The following TRPM3 variants were observed in gnomAD, a reference collection of about 807,000 sequenced individuals.
TRPM3 encodes the protein transient receptor potential cation channel subfamily M member 3.
A neutral mutation model predicts 181.2 loss-of-function variants in TRPM3; 77 were observed. That is an observed-to-expected ratio of 0.42 (90% CI 0.35 to 0.51). The LOEUF (loss-of-function observed/expected upper bound fraction) is 0.51. TRPM3 is among the 20% of genes least tolerant of loss of function. The pLI, the probability that TRPM3 is intolerant of heterozygous loss-of-function variation, is 0.01. For synonymous variants in TRPM3, 745 were observed against 796.4 expected (o/e 0.94, Z 1.09); for missense variants, 1,759 against 2,196.7 (o/e 0.80, Z 3.98).
chr9:71,025,982 A>T (rs539457027), intron 1 of TRPM3, among the ~76,000 whole-genome samples: 1 of 152,322 alleles, frequency 6.6e-6, no homozygotes, highest in African/African-American at 2.4e-5. Flanking sequence ...GGCAAGGAGC[A>T]ACCTGCTCTT....
At chr9:70,772,329 T>C (rs866425113) in intron 7 of TRPM3, among the ~76,000 whole-genome samples, 13 of 151,726 alleles carry the variant, frequency 8.6e-5, no homozygotes, top group South Asian at 2.1e-4. Flanking sequence ...AGTATTTTTT[T>C]TTTTTTGAAG....
intron 8 of TRPM3, among the ~76,000 whole-genome samples, chr9:70,688,278 T>A (rs1294282713): frequency 7.6e-6 from 1 of 131,206 alleles, no homozygotes; most frequent in Non-Finnish European, 1.6e-5. Flanking sequence ...ACTGCTGATG[T>A]CACACTCCCA....
intron 12 of TRPM3, among the ~76,000 whole-genome samples, chr9:70,633,894 T>C (rs2066381119): frequency 6.6e-6 from 1 of 152,148 alleles, no homozygotes; most frequent in Admixed American, 6.5e-5. Flanking sequence ...CATACATGTA[T>C]GGGCACATAG....
intron 1 of TRPM3, among the ~76,000 whole-genome samples, chr9:71,353,636 A>G (rs2091765104): frequency 6.6e-6 from 1 of 152,190 alleles, no homozygotes; most frequent in Non-Finnish European, 1.5e-5. Flanking sequence ...GTGTCTGTCA[A>G]TTGGAATGTG....
intron 6 of TRPM3, 41 bp from the exon 7 acceptor site, chr9:70,784,320 G>A (rs2083110608): frequency 6.6e-7 from 1 of 1,526,238 alleles, no homozygotes; most frequent in African/African-American, 1.4e-5. Context: ...AAAGAGAAAA[G>A]AACACAAAGC....
At chr9:70,906,270 A>G (rs755302090) in intron 1 of TRPM3, among the ~76,000 whole-genome samples, 1 of 152,188 alleles carries the variant, frequency 6.6e-6, no homozygotes, top group Admixed American at 6.5e-5. Context: ...GAGATTACAT[A>G]TATTACAGAA....
intron 1 of TRPM3, among the ~76,000 whole-genome samples, chr9:71,423,597 A>G (rs1018937982): frequency 6.6e-6 from 1 of 152,130 alleles, no homozygotes; most frequent in Non-Finnish European, 1.5e-5. Context: ...GATGGAAAAC[A>G]ATATCTATAT....
intron 9 of TRPM3, among the ~76,000 whole-genome samples, chr9:70,663,402 A>T (rs908448375): frequency 1.3e-5 from 2 of 152,216 alleles, no homozygotes; most frequent in African/African-American, 4.8e-5. Context: ...AAAATTAATT[A>T]AAAAATAACT....
chr9:71,381,446 C>G (rs992775504), intron 1 of TRPM3, among the ~76,000 whole-genome samples: 3 of 152,084 alleles, frequency 2.0e-5, no homozygotes, highest in African/African-American at 7.2e-5. Flanking sequence ...TAGGCAAGGC[C>G]TGGTATGTCA....
At chr9:70,555,762 C>G (rs576877143) in intron 22 of TRPM3, among the ~76,000 whole-genome samples, 68 of 152,222 alleles carry the variant, frequency 4.5e-4, no homozygotes, top group Non-Finnish European at 8.7e-4. Context: ...CGCACCTACT[C>G]TACTCACTCC....
chr9:70,541,094 A>T (rs1391426450), intron 25 of TRPM3, among the ~76,000 whole-genome samples: 2 of 152,192 alleles, frequency 1.3e-5, no homozygotes, highest in Non-Finnish European at 2.9e-5. Flanking sequence ...AGTGAGTAGT[A>T]GCCCAAGGAG....
intron 8 of TRPM3, among the ~76,000 whole-genome samples, chr9:70,747,422 A>T (rs2075360132): frequency 6.6e-6 from 1 of 152,050 alleles, no homozygotes; most frequent in Non-Finnish European, 1.5e-5. Flanking sequence ...CTGTAAGGAG[A>T]TCTGTTTGGT....
intron 3 of TRPM3, among the ~76,000 whole-genome samples, chr9:70,856,946 A>G (rs1233050884): frequency 1.3e-5 from 2 of 152,154 alleles, no homozygotes; most frequent in Non-Finnish European, 2.9e-5. Flanking sequence ...CAAGTCCAAC[A>G]CTGCTTCCTT....
intron 1 of TRPM3, among the ~76,000 whole-genome samples, chr9:70,975,157 C>T (rs11142656): frequency 0.29 from 44,754 of 151,914 alleles, 6,610 homozygotes; most frequent in East Asian, 0.37. Flanking sequence ...TGTGAGCCAC[C>T]GCACCCCGCC....
intron 22 of TRPM3, among the ~76,000 whole-genome samples, chr9:70,584,734 G>T (rs1284324680): frequency 2.6e-5 from 4 of 152,136 alleles, no homozygotes; most frequent in Non-Finnish European, 5.9e-5. Context: ...TTCCTCTGGG[G>T]TTTTCACCAA....
chr9:70,906,771 C>T (rs2096470942), intron 1 of TRPM3, among the ~76,000 whole-genome samples: 1 of 152,164 alleles, frequency 6.6e-6, no homozygotes, highest in Non-Finnish European at 1.5e-5. Flanking sequence ...GGCGCGGTGG[C>T]AGGCACCTAT....
intron 1 of TRPM3, among the ~76,000 whole-genome samples, chr9:70,888,600 A>T (rs2096136297): frequency 6.6e-6 from 1 of 152,164 alleles, no homozygotes; most frequent in Non-Finnish European, 1.5e-5. Context: ...TGCATGTTGC[A>T]TACCATTTGT....
At chr9:71,253,803 A>T (rs1417982297) in intron 1 of TRPM3, among the ~76,000 whole-genome samples, 2 of 152,164 alleles carry the variant, frequency 1.3e-5, no homozygotes, top group African/African-American at 4.8e-5. Flanking sequence ...AATCTGCCTA[A>T]GTGTCTATCA....
In TRPM3 at chr9:71,177,489, A is replaced by G. The variant is rs549836530; in HGVS notation, c.183+269164T>C. 1.4e-3 allele frequency among the ~76,000 whole-genome samples: 207 copies of G among 152,190 alleles called. 3 individuals carry two copies. The highest frequency in any genetic ancestry group is 3.4e-3 in the Middle Eastern group (1 of 294). ...CAGGTTTGGGTAAGTATACTCTACA[A>G]TGTTTGCACAATGACAAAATTGCCC... On this transcript the variant is annotated intron_variant, in intron 1 of 24. Transcript: ENST00000357533.
Sources: allele counts gnomAD v4.1 joint callset (sites outside exome capture counted in the v4.1 genomes callset), GRCh38; gene constraint gnomAD v4.1.1; transcripts MANE v1.5; gene names NCBI Gene and HGNC (gene_info 2026-07-23, HGNC 2026-07-21).